Variants in SV2B observed in about 807,000 individuals in gnomAD.
SV2B encodes synaptic vesicle glycoprotein 2B.
SV2B carries 41 observed loss-of-function variants against 73.9 expected under a neutral mutation model. The observed-to-expected ratio is 0.56, with a 90% confidence interval of 0.43 to 0.72. The LOEUF (loss-of-function observed/expected upper bound fraction) is 0.72. Ranked by LOEUF, SV2B falls within the 30% of genes least tolerant of loss-of-function variation. SV2B has a pLI of 0.00. For synonymous variants in SV2B, 314 were observed against 314.2 expected, an observed-to-expected ratio of 1.00 and a Z score of 0.01; for missense variants, 764 against 857.8, an observed-to-expected ratio of 0.89 and a Z score of 1.37.
At chr15:91,158,033 G>T (rs1463980102) in intron 1 of SV2B, among the ~76,000 whole-genome samples, 1 of 152,146 alleles carries the variant, frequency 6.6e-6, no homozygotes, top group Non-Finnish European at 1.5e-5. Flanking sequence ...GTATGTCCAT[G>T]GGCCTATGGG....
chr15:91,103,891 C>T (rs2041806818), intron 1 of SV2B, among the ~76,000 whole-genome samples: 1 of 152,222 alleles, frequency 6.6e-6, no homozygotes, highest in South Asian at 2.1e-4. Context: ...TTCCGGGCCA[C>T]GTCACAGTGA....
intron 1 of SV2B, among the ~76,000 whole-genome samples, chr15:91,192,396 G>T (rs1298169835): frequency 6.6e-6 from 1 of 152,058 alleles, no homozygotes; most frequent in East Asian, 1.9e-4. Context: ...CTAACTCTTT[G>T]TCAATAGGAC....
intron 1 of SV2B, among the ~76,000 whole-genome samples, chr15:91,126,638 A>G (rs1359585548): frequency 3.3e-5 from 5 of 152,268 alleles, no homozygotes; most frequent in African/African-American, 1.2e-4. Flanking sequence ...ATCTAGCAAC[A>G]TAAGAAAATG....
At position 91,115,640 on chromosome 15, in the gene SV2B, G is replaced by A. The variant is rs1164882043; in HGVS notation, c.-392+15277G>A. 1.3e-5 allele frequency among the ~76,000 whole-genome samples: 2 copies of A among 152,018 alleles called. No homozygotes were observed. Among genetic ancestry groups the A allele is most frequent in the African/African-American group, 2.4e-5 (1 of 41,366 alleles). ...GATCCACCCGCCTCGACCTCTCAAA[G>A]TGCTGGGATTACAGGTGTGAGCCAC... On this transcript the variant is annotated intron_variant, in intron 1 of 12. Transcript: ENST00000394232. The surrounding 1 kb of genome is among the most constrained non-coding windows in gnomAD (Gnocchi z 4.3).
chr15:91,289,759 T>G lies in SV2B; in HGVS notation c.1868+79T>G. On this transcript the variant is annotated intron_variant, in intron 12 of 12. Coordinates refer to ENST00000394232, the MANE Select transcript of SV2B (RefSeq NM_001323032.3). The surrounding 1 kb of genome is among the most constrained non-coding windows in gnomAD (Gnocchi z 4.9). ...AAGTCTACCTGCTCCCTAAATCTCA[T>G]GCTGTGCATGGCCATCGTGGTCTTT... The G allele has an allele frequency of 1.4e-6, 2 of 1,465,504 alleles. No individual in the cohort carries two copies. Among genetic ancestry groups the G allele is most frequent in the South Asian group, 2.6e-5 (2 of 78,136 alleles). 90.8% of individuals were successfully genotyped at this position (1,465,504 alleles called of 1,614,324 possible).
At chr15:91,127,064 C>T (rs2042505484) in intron 1 of SV2B, among the ~76,000 whole-genome samples, 1 of 152,206 alleles carries the variant, frequency 6.6e-6, no homozygotes, top group African/African-American at 2.4e-5. Context: ...TAATTTTGGG[C>T]AAATTGCTTA....
In SV2B at chr15:91,252,292, A is replaced by G. The variant is rs2047516418; in HGVS notation, c.633-77A>G. ...TTCACCACAGAGCCTAAGGTGGGGT[A>G]TAGGCAACTTGGTTTCTGCTGTGAC... On this transcript the variant is annotated intron_variant, in intron 3 of 12. Coordinates refer to ENST00000394232, the MANE Select transcript of SV2B (RefSeq NM_001323032.3). This position sits in a 1 kb window ranked among gnomAD's most constrained non-coding sequence, Gnocchi z 4.6. 5 of 1,530,414 alleles carry G rather than the reference A, an allele frequency of 3.3e-6. No homozygotes were observed. The highest frequency in any genetic ancestry group is 1.4e-5 in the African/African-American group (1 of 72,454). 94.8% of individuals were successfully genotyped at this position (1,530,414 alleles called of 1,614,324 possible).
intron 1 of SV2B, among the ~76,000 whole-genome samples, chr15:91,205,743 G>A (rs1201354697): frequency 1.3e-5 from 2 of 152,200 alleles, no homozygotes; most frequent in African/African-American, 4.8e-5. Context: ...ACTCTAAAGG[G>A]ATTGCTTAAC....
intron 1 of SV2B, among the ~76,000 whole-genome samples, chr15:91,208,887 G>T (rs2045742009): frequency 6.6e-6 from 1 of 152,162 alleles, no homozygotes; most frequent in Non-Finnish European, 1.5e-5. Flanking sequence ...CAGTTTAAAT[G>T]ATGCCACAAT....
intron 1 of SV2B, among the ~76,000 whole-genome samples, chr15:91,221,167 A>G (rs2046199165): frequency 6.6e-6 from 1 of 152,184 alleles, no homozygotes; most frequent in South Asian, 2.1e-4. Flanking sequence ...TGCCCAGACA[A>G]TAATTATGAT....
intron 1 of SV2B, among the ~76,000 whole-genome samples, chr15:91,147,824 T>A (rs1016158878): frequency 9.9e-5 from 15 of 152,214 alleles, no homozygotes; most frequent in African/African-American, 3.4e-4. Flanking sequence ...GGATGGCAGA[T>A]GTTACAGGAC....
rs1199503297 is a variant in SV2B at position 91,232,776 on chromosome 15, GAT to G, written c.451+6067_451+6068del. Among the ~76,000 whole-genome samples the G allele has an allele frequency of 6.6e-6, 1 of 152,140 alleles. No homozygotes were observed. Among genetic ancestry groups the G allele is most frequent in the Non-Finnish European group, 1.5e-5 (1 of 68,032 alleles). On this transcript the variant is annotated intron_variant, in intron 2 of 12. Transcript: ENST00000394232. This position sits in a 1 kb window ranked among gnomAD's most constrained non-coding sequence, Gnocchi z 4.7. Reference sequence around the variant, plus strand: ...GGTACATGTGCAGGTTTGTTACATAGATATATTGTATGATGCTGAGGTTTGGG... The same window carrying G: ...GGTACATGTGCAGGTTTGTTACATAGATATTGTATGATGCTGAGGTTTGGG...
intron 9 of SV2B, among the ~76,000 whole-genome samples, chr15:91,273,488 T>C (rs1422360564): frequency 6.6e-6 from 1 of 152,202 alleles, no homozygotes; most frequent in African/African-American, 2.4e-5. Flanking sequence ...AAAATTGGAT[T>C]CCTTTTCCCC....
At chr15:91,151,967 C>A (rs984102038) in intron 1 of SV2B, among the ~76,000 whole-genome samples, 1 of 152,038 alleles carries the variant, frequency 6.6e-6, no homozygotes, top group Non-Finnish European at 1.5e-5. Context: ...GTAGAAATAT[C>A]ATTTCCTGGT....
intron 1 of SV2B, among the ~76,000 whole-genome samples, chr15:91,191,839 A>C (rs930786751): frequency 6.6e-6 from 1 of 152,224 alleles, no homozygotes; most frequent in African/African-American, 2.4e-5. Flanking sequence ...TAGTTATTAC[A>C]TTAGTATTTA....
chr15:91,231,221 C>T lies in SV2B; in HGVS notation c.451+4507C>T, dbSNP rs1303169941. On this transcript the variant is annotated intron_variant, in intron 2 of 12. Transcript: ENST00000394232. The surrounding 1 kb of genome is among the most constrained non-coding windows in gnomAD (Gnocchi z 4.5). ...AAATGACATCACTGACAACGGATTG[C>T]CATGTTTAGGAGTGCGGACTTGATT... 1.3e-5 allele frequency among the ~76,000 whole-genome samples: 2 copies of T among 151,970 alleles called. No individual in the cohort carries two copies. The highest frequency in any genetic ancestry group is 2.9e-5 in the Non-Finnish European group (2 of 68,010).
At position 91,283,335 on chromosome 15, in the gene SV2B, C is replaced by T. The variant is rs575417695; in HGVS notation, c.1508-686C>T. Among the ~76,000 whole-genome samples, 65 of 152,346 alleles carry T rather than the reference C, an allele frequency of 4.3e-4. No individual in the cohort carries two copies. The highest frequency in any genetic ancestry group is 1.5e-3 in the African/African-American group (63 of 41,572). On this transcript the variant is annotated intron_variant, in intron 10 of 12. Transcript: ENST00000394232. This position sits in a 1 kb window ranked among gnomAD's most constrained non-coding sequence, Gnocchi z 4.3. ...AACCAACTCTCTTGTGTTCTGCTCC[C>T]CTATGCCAGGTAGCCTCCAAGGAGA... is the stretch of plus-strand genomic sequence containing the variant.
intron 1 of SV2B, among the ~76,000 whole-genome samples, chr15:91,134,129 G>C (rs1026788847): frequency 1.3e-5 from 2 of 150,876 alleles, no homozygotes; most frequent in Admixed American, 1.3e-4. Context: ...CTCCCAAGTA[G>C]CTGGGATTAC....
rs1247924919 is a variant in SV2B, at chr15:91,220,547, TG to T, written c.-391-5325del. 6.6e-6 allele frequency among the ~76,000 whole-genome samples: 1 copy of T among 152,266 alleles called. No individual in the cohort carries two copies. The highest frequency in any genetic ancestry group is 1.5e-5 in the Non-Finnish European group (1 of 68,050). ...CATTTGATTGTAATATTTTTAACTT[TG>T]TTTTCTGTGATATTTAGTAATAAGC... On this transcript the variant is annotated intron_variant, in intron 1 of 12. Coordinates refer to ENST00000394232, the MANE Select transcript of SV2B (RefSeq NM_001323032.3). The surrounding 1 kb of genome is among the most constrained non-coding windows in gnomAD (Gnocchi z 4.1).
Sources: gnomAD v4.1 joint callset for allele counts (sites outside exome capture counted in the v4.1 genomes callset) on GRCh38, gnomAD v4.1.1 for gene constraint, Gnocchi (gnomAD v3.1) non-coding constraint, MANE v1.5 for transcripts, NCBI Gene and HGNC (gene_info 2026-07-23, HGNC 2026-07-21) for gene names.